Variants in LRRC9 observed in about 807,000 individuals in gnomAD.
LRRC9 encodes the protein leucine-rich repeat-containing protein 9.
A neutral mutation model predicts 63.2 loss-of-function variants in LRRC9; 122 were observed. The ratio of observed to expected loss-of-function variants is 1.93; its 90% CI spans 1.67 to 2.24. The LOEUF is 2.24. Ranked by LOEUF, LRRC9 falls within the 30% of genes most tolerant of loss-of-function variation. The pLI is 0.00. For missense variants in LRRC9, 1,071 were observed against 627.7 expected (o/e 1.71, Z -7.55); for synonymous variants, 366 against 213.1 (o/e 1.72, Z -6.25).
chr14:59,991,809 G>A (rs1323996874), intron 17 of LRRC9, among the ~76,000 whole-genome samples: 1 of 146,456 alleles, frequency 6.8e-6, no homozygotes, highest in African/African-American at 2.5e-5. Context: ...AGGTAAAGCA[G>A]CCCAGAAGCT....
In LRRC9 at chr14:59,966,496, C is replaced by T. The variant is rs765331033; in HGVS notation, c.1212-93C>T. ...TTTAGCAAAAGACACAAAATATGAG[C>T]TATAACTTTTATCACGTAGTTTTCT... On this transcript the variant is annotated intron_variant, in intron 10 of 31. Coordinates refer to ENST00000445360, the Ensembl canonical transcript of LRRC9. This position sits in a 1 kb window ranked among gnomAD's most constrained non-coding sequence, Gnocchi z 4.0. The T allele has an allele frequency of 1.5e-5, 7 of 470,616 alleles. No homozygotes were observed. Among genetic ancestry groups the T allele is most frequent in the Non-Finnish European group, 2.3e-5 (6 of 264,968 alleles). 29.2% of individuals were successfully genotyped at this position (470,616 alleles called of 1,614,324 possible). A position where few individuals can be genotyped will look rare whatever the true frequency, so the allele number is the denominator to read the frequency against.
At chr14:59,955,000 A>T (rs1318449099) in intron 8 of LRRC9, among the ~76,000 whole-genome samples, 1 of 152,126 alleles carries the variant, frequency 6.6e-6, no homozygotes, top group African/African-American at 2.4e-5. Context: ...AGCTGACTTG[A>T]TCGTGGTGGA....
rs189281173 is a variant in LRRC9, at chr14:60,019,120, G to T, written c.3427-1G>T. 2 of 666,804 alleles carry T rather than the reference G, an allele frequency of 3.0e-6. No homozygotes were observed. The highest frequency in any genetic ancestry group is 2.7e-6 in the Non-Finnish European group (1 of 370,672). The allele number at this position is 666,804 out of a possible 1,614,324, so 41.3% of individuals were successfully genotyped here. A position where few individuals can be genotyped will look rare whatever the true frequency, so the allele number is the denominator to read the frequency against. Reference sequence around the variant, plus strand: ...TGATTAATAAGATATTCTTTCTGTAGGTCTTATGCCTTAACTATAATCATA... The same window carrying T: ...TGATTAATAAGATATTCTTTCTGTATGTCTTATGCCTTAACTATAATCATA... On this transcript the variant is annotated splice_acceptor_variant, in intron 25 of 31. Coordinates refer to ENST00000445360, the Ensembl canonical transcript of LRRC9. LOFTEE classifies it high-confidence loss of function.
chr14:60,036,368 G>C (rs1216034526), intron 29 of LRRC9, among the ~76,000 whole-genome samples: 1 of 152,138 alleles, frequency 6.6e-6, no homozygotes, highest in African/African-American at 2.4e-5. Context: ...ATCATGCATT[G>C]CTAAGAGGCA....
At chr14:60,008,016 A>T in intron 22 of LRRC9, 76 bp from the exon 23 acceptor site, 1 of 495,046 alleles carries the variant, frequency 2.0e-6, no homozygotes, top group Non-Finnish European at 3.6e-6. Context: ...CCAATATTAA[A>T]ATTTGAGGAT....
chr14:59,949,784 A>T (rs1882908258), intron 8 of LRRC9, among the ~76,000 whole-genome samples: 1 of 149,650 alleles, frequency 6.7e-6, no homozygotes, highest in African/African-American at 2.5e-5. Context: ...CAGGTTGTTC[A>T]GTTTCCATAT....
chr14:59,966,634 G>T lies in LRRC9; in HGVS notation c.1257G>T (p.Trp419Cys). 1 of 691,978 alleles carries T rather than the reference G, an allele frequency of 1.4e-6. No individual in the cohort carries two copies. Among genetic ancestry groups the T allele is most frequent in the Non-Finnish European group, 2.6e-6 (1 of 379,190 alleles). The allele number at this position is 691,978 out of a possible 1,614,324, so 42.9% of individuals were successfully genotyped here. Reference sequence around the variant, plus strand: ...TAATTCTGTCACGTTTTTGTGCCTGGGACTTCAGAACATACGGTATTACAG... The same window carrying T: ...TAATTCTGTCACGTTTTTGTGCCTGTGACTTCAGAACATACGGTATTACAG... The change falls in exon 11 of 32, where the codon TGG (tryptophan) becomes TGT (cysteine). Residue 419 changes from tryptophan (W) to cysteine (C), a missense_variant. Coordinates refer to ENST00000445360, the Ensembl canonical transcript of LRRC9. This position sits in a 1 kb window ranked among gnomAD's most constrained non-coding sequence, Gnocchi z 4.0.
In LRRC9 at chr14:60,031,755, T is replaced by A. The variant is rs1892012210; in HGVS notation, c.3922-240T>A. ...AAATTTGATCTTTTCTTGCAAGTGC[T>A]GCTATATAGCCAATTTTCCATGTTA... On this transcript the variant is annotated intron_variant, in intron 28 of 31. Transcript: ENST00000445360. This position sits in a 1 kb window ranked among gnomAD's most constrained non-coding sequence, Gnocchi z 4.6. 6.6e-6 allele frequency among the ~76,000 whole-genome samples: 1 copy of A among 152,140 alleles called. No individual in the cohort carries two copies. The highest frequency in any genetic ancestry group is 2.1e-4 in the South Asian group (1 of 4,834).
At chr14:59,999,292 T>C in intron 19 of LRRC9, 66 bp downstream of exon 19, 2 of 603,256 alleles carry the variant, frequency 3.3e-6, no homozygotes, top group Admixed American at 2.8e-5. Flanking sequence ...TTGCATACTC[T>C]TTTTCTGTCA....
At chr14:60,035,424 T>A (rs970082554) in intron 29 of LRRC9, among the ~76,000 whole-genome samples, 1 of 152,170 alleles carries the variant, frequency 6.6e-6, no homozygotes, top group Non-Finnish European at 1.5e-5. Context: ...TTTGCCCAAA[T>A]CAATGTCTTG....
intron 16 of LRRC9, 84 bp from the exon 17 acceptor site, chr14:59,985,021 C>A: frequency 2.1e-6 from 1 of 478,314 alleles, no homozygotes; most frequent in Non-Finnish European, 3.7e-6. Flanking sequence ...AATAATTGTT[C>A]TAAACATTTT....
At chr14:60,062,213 T>A (rs1376327086) in intron 31 of LRRC9, 34 bp downstream of exon 32, 1 of 398,300 alleles carries the variant, frequency 2.5e-6, no homozygotes, top group African/African-American at 2.1e-5. Context: ...TAATATCATT[T>A]CTCATCATTA....
rs142761392 is a variant in LRRC9, at chr14:59,933,171, T to C, written c.543+1132T>C. On this transcript the variant is annotated intron_variant, in intron 6 of 31. Coordinates refer to ENST00000445360, the Ensembl canonical transcript of LRRC9. ...AAAATATTGTGTTGTAAGTGACACC[T>C]TTCCCTCCCAATTTAGGTGTAATAG... Among the ~76,000 whole-genome samples the C allele has an allele frequency of 2.4e-4, 36 of 152,302 alleles. No homozygotes were observed. In the East Asian group the frequency reaches 6.9e-3, roughly 29 times the overall value.
At chr14:59,931,745 G>A (rs1461003254) in intron 5 of LRRC9, 63 bp downstream of exon 5, 1 of 635,778 alleles carries the variant, frequency 1.6e-6, no homozygotes, top group Non-Finnish European at 2.8e-6. Flanking sequence ...AATATAAAAA[G>A]TACATGCTTA....
At chr14:59,953,124 T>C (rs553782662) in intron 8 of LRRC9, among the ~76,000 whole-genome samples, 1 of 152,372 alleles carries the variant, frequency 6.6e-6, no homozygotes, top group Non-Finnish European at 1.5e-5. Context: ...AACATACATG[T>C]GCATGTGTCT....
chr14:59,994,289 T>C (rs1478894699), intron 17 of LRRC9, among the ~76,000 whole-genome samples: 2 of 151,972 alleles, frequency 1.3e-5, no homozygotes, highest in Non-Finnish European at 2.9e-5. Flanking sequence ...ATCAGAGAAA[T>C]GCAAATCAAA....
At chr14:60,024,092 G>C (rs577641969) in intron 27 of LRRC9, among the ~76,000 whole-genome samples, 32 of 152,236 alleles carry the variant, frequency 2.1e-4, no homozygotes, top group South Asian at 6.2e-4. Flanking sequence ...TGTGAATAGT[G>C]CTGCAATAAA....
intron 31 of LRRC9, 94 bp from the exon 33 acceptor site, chr14:60,063,228 AC>A: frequency 1.5e-6 from 1 of 663,310 alleles, no homozygotes; most frequent in Non-Finnish European, 2.7e-6. Flanking sequence ...CATCTAAAAT[AC>A]AGAAATTATT....
At chr14:59,946,054 A>G (rs958324716) in intron 8 of LRRC9, among the ~76,000 whole-genome samples, 7 of 151,768 alleles carry the variant, frequency 4.6e-5, no homozygotes, top group Non-Finnish European at 7.4e-5. Context: ...CTAGCACTCT[A>G]TTGTAAATAT....
Sources: allele counts gnomAD v4.1 joint callset (sites outside exome capture counted in the v4.1 genomes callset), GRCh38; gene constraint gnomAD v4.1.1; non-coding constraint Gnocchi (gnomAD v3.1); transcripts MANE v1.5; gene names NCBI Gene and HGNC (gene_info 2026-07-23, HGNC 2026-07-21).